TMEM117: variants seen among roughly 807,000 people sequenced by gnomAD.
TMEM117 encodes transmembrane protein 117.
In TMEM117, 27 loss-of-function variants were observed where a neutral mutation model predicts 52.4. The observed-to-expected ratio is 0.51, with a 90% CI of 0.38 to 0.71. TMEM117 has a LOEUF of 0.71. TMEM117 is among the 30% of genes least tolerant of loss of function. The pLI is 0.00. For synonymous variants in TMEM117, 215 were observed against 206.3 expected, an observed-to-expected ratio of 1.04 and a Z score of -0.36; for missense variants, 556 against 630.5, an observed-to-expected ratio of 0.88 and a Z score of 1.26.
At chr12:43,894,622 T>A (rs1175816895) in intron 2 of TMEM117, among the ~76,000 whole-genome samples, 1 of 152,082 alleles carries the variant, frequency 6.6e-6, no homozygotes, top group Non-Finnish European at 1.5e-5. Flanking sequence ...TCTCATCATT[T>A]AGCTCCCACC....
intron 3 of TMEM117, among the ~76,000 whole-genome samples, chr12:44,105,492 A>G (rs1212601835): frequency 6.8e-6 from 1 of 147,318 alleles, no homozygotes; most frequent in African/African-American, 2.7e-5. Flanking sequence ...ATTTCTTCAA[A>G]GTGTGTTTTT....
chr12:44,015,458 G>T (rs1219935657), intron 3 of TMEM117, among the ~76,000 whole-genome samples: 7 of 152,012 alleles, frequency 4.6e-5, no homozygotes, highest in Admixed American at 4.6e-4. Flanking sequence ...ACATGCATAT[G>T]TTCATCTCAT....
chr12:44,093,597 A>G (rs17094063), intron 3 of TMEM117, among the ~76,000 whole-genome samples: 35,519 of 151,846 alleles, frequency 0.23, 7,070 homozygotes, highest in African/African-American at 0.55. Context: ...CAATCCAACC[A>G]TGGGAAGTTT....
intron 2 of TMEM117, among the ~76,000 whole-genome samples, chr12:43,908,201 TAAAG>T (rs1254678809): frequency 4.3e-5 from 3 of 69,362 alleles, no homozygotes; most frequent in African/African-American, 9.1e-5. Context: ...TCAACATTCT[TAAAG>T]AAAAGAATTT....
At chr12:44,262,782 T>C (rs2138544165) in intron 5 of TMEM117, among the ~76,000 whole-genome samples, 1 of 152,266 alleles carries the variant, frequency 6.6e-6, no homozygotes, top group East Asian at 1.9e-4. Context: ...AGAGATGGGG[T>C]TTCACCATGT....
chr12:44,033,179 A>G (rs569490017), intron 3 of TMEM117, among the ~76,000 whole-genome samples: 1 of 152,188 alleles, frequency 6.6e-6, no homozygotes, highest in African/African-American at 2.4e-5. Context: ...GTGCCAAGAC[A>G]GTTTACAGAT....
intron 4 of TMEM117, among the ~76,000 whole-genome samples, chr12:44,189,359 A>G (rs1949321761): frequency 6.6e-6 from 1 of 152,182 alleles, no homozygotes; most frequent in Non-Finnish European, 1.5e-5. Flanking sequence ...TCAGTATGAA[A>G]GGATTAGCTA....
intron 7 of TMEM117, among the ~76,000 whole-genome samples, chr12:44,384,783 C>T (rs1322810097): frequency 6.6e-6 from 1 of 152,046 alleles, no homozygotes; most frequent in Non-Finnish European, 1.5e-5. Context: ...ATTCCGTCAC[C>T]AAGATCCTAT....
At chr12:43,957,748 CT>C (rs1565769178) in intron 3 of TMEM117, among the ~76,000 whole-genome samples, 1 of 152,136 alleles carries the variant, frequency 6.6e-6, no homozygotes, top group Non-Finnish European at 1.5e-5. Context: ...TGAATAATTT[CT>C]TAGTAATGTA....
At chr12:44,187,021 C>G (rs1294220188) in intron 4 of TMEM117, among the ~76,000 whole-genome samples, 2 of 152,126 alleles carry the variant, frequency 1.3e-5, no homozygotes, top group Admixed American at 6.6e-5. Context: ...ATAAAATAAT[C>G]TTATGTTAAA....
At chr12:44,007,396 A>T in intron 3 of TMEM117, among the ~76,000 whole-genome samples, 1 of 152,064 alleles carries the variant, frequency 6.6e-6, no homozygotes, top group Non-Finnish European at 1.5e-5. Flanking sequence ...CTGGCAATAA[A>T]TTTCCTCTTT....
intron 3 of TMEM117, among the ~76,000 whole-genome samples, chr12:44,080,895 C>T (rs1266480056): frequency 6.6e-6 from 1 of 152,150 alleles, no homozygotes; most frequent in Non-Finnish European, 1.5e-5. Context: ...ACCTACAAAG[C>T]CTAAAATATT....
intron 4 of TMEM117, among the ~76,000 whole-genome samples, chr12:44,153,768 A>G (rs10880622): frequency 0.27 from 40,996 of 151,908 alleles, 9,989 homozygotes; most frequent in African/African-American, 0.65. Flanking sequence ...TATTCATAGA[A>G]TATGCCACAT....
At chr12:44,076,200 G>A (rs957321980) in intron 3 of TMEM117, among the ~76,000 whole-genome samples, 4 of 152,212 alleles carry the variant, frequency 2.6e-5, no homozygotes, top group Non-Finnish European at 5.9e-5. Context: ...AGCACTGGAA[G>A]TACTTTAAAA....
intron 6 of TMEM117, among the ~76,000 whole-genome samples, chr12:44,340,869 G>C (rs1951407822): frequency 6.6e-6 from 1 of 152,066 alleles, no homozygotes; most frequent in South Asian, 2.1e-4. Context: ...CAATGGCCAA[G>C]TCAGGGCTTC....
At chr12:43,826,667 C>T in the TMEM117 span, among the ~76,000 whole-genome samples, 70 of 152,236 alleles carry the variant, frequency 4.6e-4, no homozygotes, top group African/African-American at 1.6e-3. Flanking sequence ...TTGTGTAGTC[C>T]AATTTCCTTA....
intron 4 of TMEM117, among the ~76,000 whole-genome samples, chr12:44,149,179 G>A (rs540036973): frequency 6.6e-6 from 1 of 152,180 alleles, no homozygotes; most frequent in Admixed American, 6.5e-5. Flanking sequence ...TGCATTCTTC[G>A]AATGGTCATT....
chr12:44,123,980 A>G (rs1202886927), intron 3 of TMEM117, among the ~76,000 whole-genome samples: 2 of 152,114 alleles, frequency 1.3e-5, no homozygotes, highest in Non-Finnish European at 1.5e-5. Context: ...TTAATCTATA[A>G]ATTGTTTTGG....
At chr12:44,292,781 G>T (rs1484796042) in intron 5 of TMEM117, among the ~76,000 whole-genome samples, 1 of 151,936 alleles carries the variant, frequency 6.6e-6, no homozygotes, top group Non-Finnish European at 1.5e-5. Context: ...AAATCTTCCT[G>T]TTACTGATTT....
Sources: allele counts gnomAD v4.1 joint callset (sites outside exome capture counted in the v4.1 genomes callset), GRCh38; gene constraint gnomAD v4.1.1; transcripts MANE v1.5; gene names NCBI Gene and HGNC (gene_info 2026-07-23, HGNC 2026-07-21).